The following CLSTN2 variants were observed in gnomAD, a reference collection of about 807,000 sequenced individuals.
CLSTN2 encodes calsyntenin-2.
In CLSTN2, 48 loss-of-function variants were observed where a neutral mutation model predicts 101.2. That is an observed-to-expected ratio of 0.47 (90% confidence interval 0.38 to 0.60). The LOEUF (loss-of-function observed/expected upper bound fraction) is 0.60, where lower values mean the gene tolerates loss of function less well. CLSTN2 is among the 20% of genes least tolerant of loss of function. The probability of loss-of-function intolerance (pLI) is 0.00; values close to 1 mark genes in which losing one functional copy is unlikely to be tolerated. For synonymous variants in CLSTN2, 481 were observed against 463.6 expected (o/e 1.04, Z -0.48); for missense variants, 1,160 against 1,238.2 (o/e 0.94, Z 0.95).
intron 8 of CLSTN2, among the ~76,000 whole-genome samples, chr3:140,469,126 C>T (rs1366746732): frequency 6.6e-6 from 1 of 152,184 alleles, no homozygotes; most frequent in Non-Finnish European, 1.5e-5. Context: ...AATAGTGGTC[C>T]ACCCTTTTGA....
chr3:140,070,502 T>G (rs988323530), intron 1 of CLSTN2, among the ~76,000 whole-genome samples: 1 of 152,304 alleles, frequency 6.6e-6, no homozygotes, highest in African/African-American at 2.4e-5. Context: ...TACACTAAGC[T>G]TAACAAGAAA....
intron 1 of CLSTN2, among the ~76,000 whole-genome samples, chr3:140,084,123 C>T (rs1185454267): frequency 6.6e-6 from 1 of 152,104 alleles, no homozygotes; most frequent in African/African-American, 2.4e-5. Flanking sequence ...AGGTCACATC[C>T]CGATGAATCA....
intron 6 of CLSTN2, among the ~76,000 whole-genome samples, chr3:140,451,456 C>G (rs1403933575): frequency 2.0e-5 from 3 of 152,116 alleles, no homozygotes; most frequent in African/African-American, 7.2e-5. Context: ...AGGAGAGAAG[C>G]CTGTGTTTCT....
At chr3:140,019,158 T>C (rs2007258086) in intron 1 of CLSTN2, among the ~76,000 whole-genome samples, 1 of 152,198 alleles carries the variant, frequency 6.6e-6, no homozygotes, top group African/African-American at 2.4e-5. Context: ...TAAAAAAAGA[T>C]GGTGTGACGG....
At chr3:140,338,696 GC>G (rs2087465258) in intron 2 of CLSTN2, among the ~76,000 whole-genome samples, 1 of 152,146 alleles carries the variant, frequency 6.6e-6, no homozygotes, top group Non-Finnish European at 1.5e-5. Context: ...TACTGCATGG[GC>G]CTGGTCACTA....
At chr3:140,371,910 A>G (rs935168973) in intron 2 of CLSTN2, among the ~76,000 whole-genome samples, 2 of 152,114 alleles carry the variant, frequency 1.3e-5, no homozygotes, top group East Asian at 1.9e-4. Context: ...GTTGTAATAC[A>G]TTGATGTTTC....
intron 5 of CLSTN2, among the ~76,000 whole-genome samples, chr3:140,429,489 C>A (rs1231250005): frequency 1.3e-5 from 2 of 152,058 alleles, no homozygotes; most frequent in East Asian, 3.9e-4. Context: ...TAGGAAGGAG[C>A]ACAATGTGGC....
At chr3:140,017,135 G>T (rs762680954) in intron 1 of CLSTN2, among the ~76,000 whole-genome samples, 10 of 152,138 alleles carry the variant, frequency 6.6e-5, no homozygotes, top group Non-Finnish European at 1.0e-4. Flanking sequence ...TGTGTGGCTC[G>T]CTGTGGATCT....
intron 8 of CLSTN2, among the ~76,000 whole-genome samples, chr3:140,521,645 T>C (rs1935027666): frequency 6.6e-6 from 1 of 152,252 alleles, no homozygotes; most frequent in African/African-American, 2.4e-5. Flanking sequence ...TGATTTTTGG[T>C]AGTGCAGCTG....
rs769394541 is a variant in CLSTN2 at position 140,459,722 on chromosome 3, G to A, written c.1175G>A (p.Gly392Asp). 1 of 1,614,134 alleles carries A rather than the reference G, an allele frequency of 6.2e-7. No individual in the cohort carries two copies. The highest frequency in any genetic ancestry group is 1.1e-5 in the South Asian group (1 of 91,076). The change falls in exon 7 of 17, where the codon GGT becomes GAT. Residue 392 changes from glycine (G) to aspartate (D), a missense_variant. By Grantham distance (94) the Gly-to-Asp change is moderately conservative (BLOSUM62 -1). Transcript: ENST00000458420. ...TMWMKHGPSPGVRAEKETILC... is the reference protein window; with the variant it reads ...TMWMKHGPSPDVRAEKETILC... Reference sequence around the variant, plus strand: ...TGGATGAAACACGGCCCCAGCCCTGGTGTGAGAGCCGAGAAGGAAACCATC... The same window carrying A: ...TGGATGAAACACGGCCCCAGCCCTGATGTGAGAGCCGAGAAGGAAACCATC...
At chr3:140,106,580 G>T (rs377259081) in intron 1 of CLSTN2, among the ~76,000 whole-genome samples, 3 of 152,294 alleles carry the variant, frequency 2.0e-5, no homozygotes, top group East Asian at 3.9e-4. Flanking sequence ...AGAATTCTAG[G>T]CAGTGGCCCT....
intron 4 of CLSTN2, among the ~76,000 whole-genome samples, chr3:140,420,273 T>G (rs1240676101): frequency 1.3e-5 from 2 of 151,478 alleles, no homozygotes; most frequent in African/African-American, 4.9e-5. Context: ...AGTTCTAATT[T>G]GCTGTCAACT....
intron 5 of CLSTN2, among the ~76,000 whole-genome samples, chr3:140,437,049 G>GA (rs1576567078): frequency 1.0e-5 from 1 of 97,506 alleles, no homozygotes; most frequent in Admixed American, 1.1e-4. Flanking sequence ...TGGGAGGTTT[G>GA]GTTTTTTTTT....
chr3:140,433,472 GCA>G (rs1311553065), intron 5 of CLSTN2, among the ~76,000 whole-genome samples: 1 of 152,238 alleles, frequency 6.6e-6, no homozygotes. Context: ...TCCCTGAGCT[GCA>G]CAGTCTGCCT....
intron 9 of CLSTN2, among the ~76,000 whole-genome samples, chr3:140,537,176 C>T (rs1935376800): frequency 6.6e-6 from 1 of 152,080 alleles, no homozygotes; most frequent in Admixed American, 6.6e-5. Context: ...GGAACTAGCT[C>T]CCATTTGTGA....
intron 2 of CLSTN2, among the ~76,000 whole-genome samples, chr3:140,267,239 T>A (rs1419164068): frequency 6.6e-6 from 1 of 152,168 alleles, no homozygotes; most frequent in Non-Finnish European, 1.5e-5. Context: ...TATCATCCAT[T>A]TAAAACCTCA....
At chr3:140,161,128 T>G (rs2010040299) in intron 1 of CLSTN2, among the ~76,000 whole-genome samples, 1 of 152,046 alleles carries the variant, frequency 6.6e-6, no homozygotes, top group Non-Finnish European at 1.5e-5. Context: ...ATTGAGAGAC[T>G]CCTCCAGCTG....
At chr3:140,186,002 A>G (rs1226165213) in intron 2 of CLSTN2, among the ~76,000 whole-genome samples, 1 of 152,220 alleles carries the variant, frequency 6.6e-6, no homozygotes, top group Non-Finnish European at 1.5e-5. Context: ...AAAGAGGCCT[A>G]GTGAAAACTA....
At chr3:140,465,631 A>C (rs1933678447) in intron 7 of CLSTN2, among the ~76,000 whole-genome samples, 1 of 152,252 alleles carries the variant, frequency 6.6e-6, no homozygotes, top group African/African-American at 2.4e-5. Flanking sequence ...TGGTATATAC[A>C]GGATGTACAG....
Sources: allele counts gnomAD v4.1 joint callset (sites outside exome capture counted in the v4.1 genomes callset), GRCh38; gene constraint gnomAD v4.1.1; transcripts MANE v1.5; gene names NCBI Gene and HGNC (gene_info 2026-07-23, HGNC 2026-07-21).